The following ABLIM3 variants were observed in gnomAD, a reference collection of about 807,000 sequenced individuals.
ABLIM3 encodes actin binding LIM protein family member 3, also known as actin-binding LIM protein 3.
A neutral mutation model predicts 109.5 loss-of-function variants in ABLIM3; 61 were observed. The observed-to-expected ratio is 0.56, with a 90% confidence interval of 0.45 to 0.69. ABLIM3 has a LOEUF of 0.69. Among genes scored for constraint, ABLIM3 ranks in the 30% least tolerant of loss-of-function variants. The probability of loss-of-function intolerance (pLI) is 0.00; values close to 1 mark genes in which losing one functional copy is unlikely to be tolerated. For missense variants in ABLIM3, 796 were observed against 889.5 expected (o/e 0.89, Z 1.34); for synonymous variants, 300 against 324.8 (o/e 0.92, Z 0.82).
intron 10 of ABLIM3, among the ~76,000 whole-genome samples, chr5:149,236,519 G>A (rs992843438): frequency 3.3e-5 from 5 of 152,104 alleles, no homozygotes; most frequent in Admixed American, 6.5e-5. Flanking sequence ...GGACATGGCC[G>A]TGGAAAAGGC....
At chr5:149,157,005 A>C (rs1338209930) in intron 2 of ABLIM3, among the ~76,000 whole-genome samples, 1 of 152,266 alleles carries the variant, frequency 6.6e-6, no homozygotes, top group East Asian at 1.9e-4. Flanking sequence ...AGAAATGTTC[A>C]ATCCTTCTAA....
intron 2 of ABLIM3, among the ~76,000 whole-genome samples, chr5:149,169,024 C>G (rs13162294): frequency 0.55 from 80,889 of 146,114 alleles, 24,394 homozygotes; most frequent in Non-Finnish European, 0.7. Context: ...AACACTCATA[C>G]AGTAAAAGCA....
intron 8 of ABLIM3, among the ~76,000 whole-genome samples, chr5:149,221,624 T>C (rs532228721): frequency 6.6e-6 from 1 of 152,364 alleles, no homozygotes; most frequent in South Asian, 2.1e-4. Flanking sequence ...TTTGTAAAGA[T>C]GCCAAATATC....
At chr5:149,182,866 A>G (rs995287731) in intron 2 of ABLIM3, among the ~76,000 whole-genome samples, 2 of 152,138 alleles carry the variant, frequency 1.3e-5, no homozygotes, top group African/African-American at 4.8e-5. Flanking sequence ...TAGCTTTGAG[A>G]TAAGTTCCCT....
At chr5:149,242,921 C>A (rs1441945743) in intron 15 of ABLIM3, among the ~76,000 whole-genome samples, 1 of 152,178 alleles carries the variant, frequency 6.6e-6, no homozygotes, top group African/African-American at 2.4e-5. Context: ...TGGGCCCCAC[C>A]CCAGGCTTAC....
intron 3 of ABLIM3, among the ~76,000 whole-genome samples, chr5:149,196,253 G>A (rs1757966609): frequency 6.6e-6 from 1 of 152,186 alleles, no homozygotes; most frequent in South Asian, 2.1e-4. Flanking sequence ...AATATTTCTG[G>A]CATTCACCTG....
At chr5:149,153,711 G>A (rs747385129) in intron 2 of ABLIM3, among the ~76,000 whole-genome samples, 4 of 152,168 alleles carry the variant, frequency 2.6e-5, no homozygotes, top group Non-Finnish European at 4.4e-5. Flanking sequence ...AAGACGCCAG[G>A]CAGCTCCACA....
At chr5:149,147,096 T>A (rs1753003468) in intron 2 of ABLIM3, among the ~76,000 whole-genome samples, 1 of 151,642 alleles carries the variant, frequency 6.6e-6, no homozygotes, top group Non-Finnish European at 1.5e-5. Flanking sequence ...TCTCGCTCGC[T>A]TGCTCGCTCT....
At chr5:149,248,583 C>T (rs907248033) in intron 18 of ABLIM3, among the ~76,000 whole-genome samples, 7 of 147,098 alleles carry the variant, frequency 4.8e-5, no homozygotes, top group Admixed American at 2.8e-4. Context: ...CCCAACTACT[C>T]GGGAGGCTGA....
chr5:149,255,449 T>C (rs1649269132), intron 23 of ABLIM3, among the ~76,000 whole-genome samples: 1 of 151,938 alleles, frequency 6.6e-6, no homozygotes, highest in Non-Finnish European at 1.5e-5. Context: ...AAAGAAAAAA[T>C]AAATGACACC....
intron 2 of ABLIM3, among the ~76,000 whole-genome samples, chr5:149,182,027 A>G (rs1756513812): frequency 6.6e-6 from 1 of 152,184 alleles, no homozygotes; most frequent in Non-Finnish European, 1.5e-5. Flanking sequence ...GACATGCACA[A>G]TTTCAGTTCA....
intron 2 of ABLIM3, among the ~76,000 whole-genome samples, chr5:149,160,818 G>A (rs1754288953): frequency 6.6e-6 from 1 of 152,230 alleles, no homozygotes. Flanking sequence ...AGGCTGGGAA[G>A]AATCTGAAGT....
intron 2 of ABLIM3, among the ~76,000 whole-genome samples, chr5:149,143,600 G>A (rs551089470): frequency 1.2e-4 from 18 of 148,946 alleles, no homozygotes; most frequent in Middle Eastern, 3.5e-3. Context: ...TATTTACTAC[G>A]TATTTGTATG....
intron 17 of ABLIM3, chr5:149,247,574 C>T (rs1753501680): frequency 1.4e-6 from 1 of 739,028 alleles, no homozygotes; most frequent in Non-Finnish European, 2.4e-6. Flanking sequence ...ACCACCAGAC[C>T]CCCACCCAGA....
chr5:149,146,335 G>A (rs912018713), intron 2 of ABLIM3, among the ~76,000 whole-genome samples: 1 of 152,018 alleles, frequency 6.6e-6, no homozygotes, highest in Admixed American at 6.6e-5. Context: ...CCCAGTTGTC[G>A]ATTTTTGTTT....
chr5:149,229,222 G>A (rs1344697785), intron 8 of ABLIM3, among the ~76,000 whole-genome samples: 3 of 152,210 alleles, frequency 2.0e-5, no homozygotes, highest in Admixed American at 1.3e-4. Context: ...CAGACTCAGA[G>A]TCCCTCTACT....
chr5:149,246,611 T>A, intron 17 of ABLIM3, 65 bp downstream of exon 17: 1 of 1,527,782 alleles, frequency 6.5e-7, no homozygotes, highest in Admixed American at 2.0e-5. Context: ...TCTTTTCATT[T>A]ACAAGCAACA....
intron 1 of ABLIM3, 127 bp from the exon 2 acceptor site, chr5:149,141,882 A>T: frequency 1.5e-6 from 1 of 667,334 alleles, no homozygotes; most frequent in South Asian, 1.8e-5. Context: ...CCTTGCTCTC[A>T]CCTGCGCCTA....
chr5:149,169,088 C>T (rs183084606), intron 2 of ABLIM3, among the ~76,000 whole-genome samples: 2 of 139,786 alleles, frequency 1.4e-5, no homozygotes, highest in Non-Finnish European at 3.1e-5. Flanking sequence ...CTGTAGGACC[C>T]CCCCACCCCC....
Sources: allele counts gnomAD v4.1 joint callset (sites outside exome capture counted in the v4.1 genomes callset), GRCh38; gene constraint gnomAD v4.1.1; transcripts MANE v1.5; gene names NCBI Gene and HGNC (gene_info 2026-07-23, HGNC 2026-07-21).